The following NOS1 variants were observed in gnomAD, a reference collection of about 807,000 sequenced individuals.
NOS1 encodes nitric oxide synthase 1.
NOS1 carries 51 observed loss-of-function variants against 164.5 expected under a neutral mutation model. The ratio of observed to expected loss-of-function variants is 0.31; its 90% CI spans 0.25 to 0.39. The LOEUF is 0.39. Ranked by LOEUF, NOS1 falls within the 10% of genes least tolerant of loss-of-function variation. NOS1 has a pLI of 1.00. For missense variants in NOS1, 1,362 were observed against 1,885.6 expected, an observed-to-expected ratio of 0.72 and a Z score of 5.14; for synonymous variants, 719 against 745.8, an observed-to-expected ratio of 0.96 and a Z score of 0.59.
At chr12:117,306,955 T>C (rs567884719) in intron 3 of NOS1, among the ~76,000 whole-genome samples, 5 of 152,222 alleles carry the variant, frequency 3.3e-5, no homozygotes, top group African/African-American at 1.2e-4. Context: ...GTTTCCTTTT[T>C]GTTTTAGGCA....
chr12:117,330,306 A>ACACACACAC lies in NOS1; in HGVS notation c.725+30_725+38dup. On this transcript the variant is annotated intron_variant, in intron 2 of 28. Coordinates refer to ENST00000317775, the MANE Select transcript of NOS1 (RefSeq NM_000620.5). The surrounding 1 kb of genome is among the most constrained non-coding windows in gnomAD (Gnocchi z 4.6). ...CATGCACACACACAAGCATGCACAC[A>ACACACACAC]CACACACACACACACACACACACCC... is the stretch of plus-strand genomic sequence containing the variant. 5 of 1,529,290 alleles carry ACACACACAC rather than the reference A, an allele frequency of 3.3e-6. No individual in the cohort carries two copies. The highest frequency in any genetic ancestry group is 4.5e-6 in the Non-Finnish European group (5 of 1,121,970). 94.7% of individuals were successfully genotyped at this position (1,529,290 alleles called of 1,614,324 possible).
At chr12:117,279,389 A>AC (rs1873449463) in intron 8 of NOS1, among the ~76,000 whole-genome samples, 1 of 151,964 alleles carries the variant, frequency 6.6e-6, no homozygotes, top group Non-Finnish European at 1.5e-5. Context: ...AAAAAACCAA[A>AC]AAAAACAAAC....
At chr12:117,238,248 T>C (rs1203469706) in intron 20 of NOS1, among the ~76,000 whole-genome samples, 2 of 152,046 alleles carry the variant, frequency 1.3e-5, no homozygotes, top group Non-Finnish European at 2.9e-5. Context: ...AAGATTCCTC[T>C]GTCTGAGGAC....
At chr12:117,325,852 C>T (rs1875220234) in intron 2 of NOS1, among the ~76,000 whole-genome samples, 1 of 152,182 alleles carries the variant, frequency 6.6e-6, no homozygotes, top group African/African-American at 2.4e-5. Context: ...CTGATCATTC[C>T]AGTGCAGTCG....
intron 2 of NOS1, among the ~76,000 whole-genome samples, chr12:117,329,004 G>C (rs1875398728): frequency 6.6e-6 from 1 of 152,156 alleles, no homozygotes; most frequent in Non-Finnish European, 1.5e-5. Flanking sequence ...AAGGATCTGT[G>C]TATCCAAACA....
chr12:117,326,846 G>A (rs112463902), intron 2 of NOS1, among the ~76,000 whole-genome samples: 1 of 152,320 alleles, frequency 6.6e-6, no homozygotes, highest in African/African-American at 2.4e-5. Flanking sequence ...GAGGGCTCCC[G>A]TGAAGTCCTC....
At chr12:117,335,284 G>T (rs891236534) in intron 1 of NOS1, among the ~76,000 whole-genome samples, 1 of 152,138 alleles carries the variant, frequency 6.6e-6, no homozygotes, top group African/African-American at 2.4e-5. Flanking sequence ...CGGTCTGGGT[G>T]GGGGGCACCG....
intron 3 of NOS1, among the ~76,000 whole-genome samples, chr12:117,299,792 G>A (rs1873691991): frequency 6.6e-6 from 1 of 152,050 alleles, no homozygotes; most frequent in South Asian, 2.1e-4. Context: ...GGTGATAGTG[G>A]AGACCTCTGG....
intron 1 of NOS1, among the ~76,000 whole-genome samples, chr12:117,333,059 A>G (rs1215791702): frequency 1.3e-5 from 2 of 152,138 alleles, no homozygotes; most frequent in Non-Finnish European, 2.9e-5. Flanking sequence ...CACCTGTAGC[A>G]TGTGCCCACG....
chr12:117,270,724 T>C (rs897862769), intron 10 of NOS1, among the ~76,000 whole-genome samples: 1 of 152,170 alleles, frequency 6.6e-6, no homozygotes, highest in Admixed American at 6.5e-5. Flanking sequence ...TCCTTCCTGC[T>C]AGAAGTTTGC....
chr12:117,306,130 A>G (rs898487737), intron 3 of NOS1, among the ~76,000 whole-genome samples: 1 of 152,052 alleles, frequency 6.6e-6, no homozygotes, highest in Non-Finnish European at 1.5e-5. Context: ...CAAATCCTAC[A>G]TTAAGGATTT....
chr12:117,327,322 C>G (rs1209658445), intron 2 of NOS1, among the ~76,000 whole-genome samples: 1 of 152,158 alleles, frequency 6.6e-6, no homozygotes, highest in African/African-American at 2.4e-5. Flanking sequence ...TTGGGGGCAG[C>G]CTTTCGGGAG....
intron 12 of NOS1, among the ~76,000 whole-genome samples, chr12:117,264,456 C>A (rs979163698): frequency 2.1e-5 from 2 of 97,254 alleles, no homozygotes; most frequent in Admixed American, 1.8e-4. Flanking sequence ...TATTTATTTT[C>A]TTTCTTTATT....
At chr12:117,303,995 AC>A (rs1322084993) in intron 3 of NOS1, among the ~76,000 whole-genome samples, 1 of 152,014 alleles carries the variant, frequency 6.6e-6, no homozygotes, top group Non-Finnish European at 1.5e-5. Context: ...ACTCAGTGAA[AC>A]CCCGTCTCTG....
At chr12:117,221,670 G>A (rs192131936) in intron 26 of NOS1, among the ~76,000 whole-genome samples, 1 of 151,334 alleles carries the variant, frequency 6.6e-6, no homozygotes, top group African/African-American at 2.4e-5. Flanking sequence ...GTCTTGGTCT[G>A]TTGCCCAGGG....
At chr12:117,360,487 G>C (rs1593050122) in intron 1 of NOS1, among the ~76,000 whole-genome samples, 1 of 152,260 alleles carries the variant, frequency 6.6e-6, no homozygotes, top group African/African-American at 2.4e-5. Flanking sequence ...TCCTTTGCGG[G>C]AGAAGCACAA....
chr12:117,261,369 G>A (rs1032563956), intron 13 of NOS1, among the ~76,000 whole-genome samples: 3 of 151,992 alleles, frequency 2.0e-5, no homozygotes, highest in African/African-American at 7.3e-5. Context: ...TTTATTAAGT[G>A]CTTAACTATG....
At chr12:117,280,912 G>C (rs767736551) in intron 7 of NOS1, 46 bp from the exon 8 acceptor site, 1 of 1,599,474 alleles carries the variant, frequency 6.3e-7, no homozygotes, top group African/African-American at 1.3e-5. Context: ...CGGGACTTGC[G>C]CTGTGGGAAC....
chr12:117,290,168 G>A (rs371131758), intron 4 of NOS1, 130 bp downstream of exon 4: 1 of 1,063,732 alleles, frequency 9.4e-7, no homozygotes, highest in Non-Finnish European at 1.3e-6. Flanking sequence ...CATCTAGGGG[G>A]TATGGGTCAG....
Sources: gnomAD v4.1 joint callset for allele counts (sites outside exome capture counted in the v4.1 genomes callset) on GRCh38, gnomAD v4.1.1 for gene constraint, Gnocchi (gnomAD v3.1) non-coding constraint, MANE v1.5 for transcripts, NCBI Gene and HGNC (gene_info 2026-07-23, HGNC 2026-07-21) for gene names.